ACSM3: variants seen among roughly 807,000 people sequenced by gnomAD.
ACSM3 encodes acyl-CoA synthetase medium chain family member 3, also known as acyl-coenzyme A synthetase ACSM3, mitochondrial.
In ACSM3, 61 loss-of-function variants were observed where a neutral mutation model predicts 74.1. The ratio of observed to expected loss-of-function variants is 0.82; its 90% CI spans 0.67 to 1.02. The LOEUF is 1.02. ACSM3 is among the 50% of genes least tolerant of loss of function. The pLI is 0.00. For missense variants in ACSM3, 660 were observed against 697.0 expected (o/e 0.95, Z 0.60); for synonymous variants, 213 against 241.5 (o/e 0.88, Z 1.09).
At chr16:20,779,091 C>A (rs962651659) in intron 4 of ACSM3, among the ~76,000 whole-genome samples, 8 of 152,000 alleles carry the variant, frequency 5.3e-5, no homozygotes, top group African/African-American at 1.4e-4. Context: ...ATTATGAAAT[C>A]ATAGACTGAA....
chr16:20,757,398 T>C (rs978900592), intron 3 of ACSM3, among the ~76,000 whole-genome samples: 3 of 151,738 alleles, frequency 2.0e-5, no homozygotes, highest in Admixed American at 2.0e-4. Context: ...TTTGAAGCAA[T>C]TGTGAATGGG....
chr16:20,736,790 A>C, intron 1 of ACSM3: 1 of 1,332,880 alleles, frequency 7.5e-7, no homozygotes, highest in Non-Finnish European at 1.0e-6. Flanking sequence ...ACAAATAAAA[A>C]ACTGTTTTTA....
Position 20,790,821 on chromosome 16 carries a change from A to G in ACSM3, c.1326+133A>G. The G allele has an allele frequency of 6.2e-7, 1 of 1,613,918 alleles. No homozygotes were observed. The highest frequency in any genetic ancestry group is 8.5e-7 in the Non-Finnish European group (1 of 1,179,904). On this transcript the variant is annotated intron_variant, in intron 10 of 13. Transcript: ENST00000289416. This position sits in a 1 kb window ranked among gnomAD's most constrained non-coding sequence, Gnocchi z 4.0. ...GAGAGATTGGTTGTCCTGAATAGTA[A>G]TCCAAAAGACAAGAAATTGAAGAAA...
Position 20,796,927 on chromosome 16 carries a change from G to A in ACSM3, c.1716G>A (p.Lys572=). The A allele has an allele frequency of 6.2e-7, 1 of 1,612,596 alleles. No individual in the cohort carries two copies. Among genetic ancestry groups the A allele is most frequent in the South Asian group, 1.1e-5 (1 of 90,776 alleles). The change falls in exon 14 of 14, where the codon AAG becomes AAA. Residue 572 remains lysine, a synonymous_variant. Coordinates refer to ENST00000289416, the MANE Select transcript of ACSM3 (RefSeq NM_005622.4). ...AGCTGCCAAAGACTATCAGTGGGAA[G>A]ACAAAAAGAAATGAACTGAGGAAGA... ...IQELPKTISG[K]TKRNELRKKE...
At chr16:20,682,223 T>C (rs763451082) in intron 1 of ACSM3, 13 of 1,601,964 alleles carry the variant, frequency 8.1e-6, no homozygotes, top group Non-Finnish European at 1.1e-5. Context: ...ACAACTGTAC[T>C]CAGAGATTAT....
At chr16:20,757,444 A>G (rs1403119366) in intron 3 of ACSM3, among the ~76,000 whole-genome samples, 2 of 151,580 alleles carry the variant, frequency 1.3e-5, no homozygotes, top group East Asian at 1.9e-4. Context: ...TTTGTCTATT[A>G]TTGGTGTATA....
At chr16:20,691,629 C>T (rs2079652990) in intron 1 of ACSM3, among the ~76,000 whole-genome samples, 1 of 152,020 alleles carries the variant, frequency 6.6e-6, no homozygotes, top group African/African-American at 2.4e-5. Flanking sequence ...CATGTTGTTG[C>T]CATGGAAGCT....
intron 9 of ACSM3, among the ~76,000 whole-genome samples, chr16:20,788,332 G>A (rs2080520074): frequency 6.6e-6 from 1 of 152,254 alleles, no homozygotes; most frequent in Admixed American, 6.5e-5. Context: ...CAACATGCAT[G>A]GCTATCAGGG....
intron 4 of ACSM3, among the ~76,000 whole-genome samples, 194 bp downstream of exon 4, chr16:20,777,774 T>A (rs889521206): frequency 1.3e-5 from 2 of 152,198 alleles, no homozygotes; most frequent in African/African-American, 4.8e-5. Context: ...TAGGTTGGGA[T>A]CCCCTGAGAT....
chr16:20,708,406 A>G (rs375774658), intron 1 of ACSM3, among the ~76,000 whole-genome samples: 5 of 152,242 alleles, frequency 3.3e-5, no homozygotes, highest in East Asian at 1.9e-4. Flanking sequence ...GTCATCTGCA[A>G]ACAGAACTAA....
intron 1 of ACSM3, chr16:20,743,911 G>GT (rs1345359184): frequency 6.6e-6 from 1 of 152,106 alleles, no homozygotes; most frequent in African/African-American, 2.4e-5. Flanking sequence ...TATATTTCAA[G>GT]TCCCAAGCAT....
intron 10 of ACSM3, 36 bp from the exon 11 acceptor site, chr16:20,791,966 A>G (rs968205624): frequency 6.2e-7 from 1 of 1,602,056 alleles, no homozygotes. Flanking sequence ...GAAGAGTTGG[A>G]TTCACCATAA....
chr16:20,789,521 A>G, intron 9 of ACSM3: 1 of 1,613,852 alleles, frequency 6.2e-7, no homozygotes, highest in Non-Finnish European at 8.5e-7. Flanking sequence ...GTTTACTCAT[A>G]TTGGGCTTCT....
At chr16:20,692,535 A>G (rs577290066) in intron 1 of ACSM3, among the ~76,000 whole-genome samples, 4 of 152,270 alleles carry the variant, frequency 2.6e-5, no homozygotes, top group Admixed American at 6.5e-5. Flanking sequence ...CAGACGTCAG[A>G]GAGAGAGCAG....
At chr16:20,787,223 G>C (rs925455138) in intron 9 of ACSM3, among the ~76,000 whole-genome samples, 6 of 152,332 alleles carry the variant, frequency 3.9e-5, no homozygotes, top group Admixed American at 3.3e-4. Context: ...AACATCCTAA[G>C]TCACAAATGC....
chr16:20,741,482 C>CCA, intron 1 of ACSM3: 1 of 160,350 alleles, frequency 6.2e-6, no homozygotes, highest in Non-Finnish European at 1.3e-5. Flanking sequence ...TGGCAGCCGG[C>CCA]CCGCCCGCCC....
intron 2 of ACSM3, among the ~76,000 whole-genome samples, chr16:20,771,595 C>T (rs1231927173): frequency 6.6e-6 from 1 of 152,048 alleles, no homozygotes; most frequent in African/African-American, 2.4e-5. Flanking sequence ...AATAGTATTG[C>T]ACTGTGTATA....
In ACSM3 at chr16:20,797,415, A is replaced by T. The variant is rs1023643388; in HGVS notation, c.*443A>T. The T allele has an allele frequency of 9.9e-7, 1 of 1,007,914 alleles. No individual in the cohort carries two copies. 62.4% of individuals were successfully genotyped at this position (1,007,914 alleles called of 1,614,324 possible). ...TCAGTTAGAAGATTATGATAATCTC[A>T]AAGTACAAGAATCTACCTGAAAATA... On this transcript the variant is annotated 3_prime_UTR_variant, in exon 14 of 14. Transcript: ENST00000289416.
upstream of ACSM3, among the ~76,000 whole-genome samples, chr16:20,762,978 A>G (rs2080089831): frequency 6.6e-6 from 1 of 152,240 alleles, no homozygotes; most frequent in Non-Finnish European, 1.5e-5. Flanking sequence ...AAGAAGTAAG[A>G]TCTGTTTACT....
Sources: gnomAD v4.1 joint callset for allele counts (sites outside exome capture counted in the v4.1 genomes callset) on GRCh38, gnomAD v4.1.1 for gene constraint, Gnocchi (gnomAD v3.1) non-coding constraint, MANE v1.5 for transcripts, NCBI Gene and HGNC (gene_info 2026-07-23, HGNC 2026-07-21) for gene names.